CNTN5: variants seen among roughly 807,000 people sequenced by gnomAD.
CNTN5 encodes the protein contactin 5, also known as contactin-5.
In CNTN5, 77 loss-of-function variants were observed where a neutral mutation model predicts 129.1. The ratio of observed to expected loss-of-function variants is 0.60; its 90% CI spans 0.50 to 0.72. The LOEUF is 0.72. CNTN5 is among the 30% of genes least tolerant of loss of function. CNTN5 has a pLI of 0.00. For missense variants in CNTN5, 1,478 were observed against 1,328.8 expected, an observed-to-expected ratio of 1.11 and a Z score of -1.75; for synonymous variants, 509 against 465.6, an observed-to-expected ratio of 1.09 and a Z score of -1.20.
chr11:99,717,364 T>G (rs1235007106), intron 3 of CNTN5, among the ~76,000 whole-genome samples: 3 of 152,058 alleles, frequency 2.0e-5, no homozygotes, highest in Non-Finnish European at 4.4e-5. Flanking sequence ...TAATAAATTT[T>G]CAAAAGAGTT....
intron 6 of CNTN5, among the ~76,000 whole-genome samples, chr11:99,883,150 T>G (rs1042864555): frequency 6.6e-6 from 1 of 152,210 alleles, no homozygotes; most frequent in African/African-American, 2.4e-5. Context: ...TTTCAAATCT[T>G]GGCTATTCCA....
chr11:100,136,170 C>T (rs752977728), intron 13 of CNTN5, among the ~76,000 whole-genome samples: 40 of 152,064 alleles, frequency 2.6e-4, no homozygotes, highest in East Asian at 3.9e-4. Flanking sequence ...TCAAAGCAGA[C>T]GTACAAAAGA....
intron 3 of CNTN5, among the ~76,000 whole-genome samples, chr11:99,583,843 G>A (rs375939083): frequency 1.3e-5 from 2 of 152,052 alleles, no homozygotes; most frequent in African/African-American, 2.4e-5. Context: ...TGCACCTACT[G>A]TCTTGCACTC....
intron 2 of CNTN5, among the ~76,000 whole-genome samples, chr11:99,422,993 G>A (rs765190942): frequency 5.9e-5 from 9 of 152,118 alleles, no homozygotes; most frequent in Admixed American, 2.0e-4. Context: ...TTTCGTTATT[G>A]AATAAGCATG....
intron 1 of CNTN5, among the ~76,000 whole-genome samples, chr11:99,313,658 C>T (rs1865212587): frequency 6.6e-6 from 1 of 151,970 alleles, no homozygotes; most frequent in Non-Finnish European, 1.5e-5. Flanking sequence ...AATATTTTGT[C>T]TCCTTTACAA....
intron 2 of CNTN5, among the ~76,000 whole-genome samples, chr11:99,515,420 T>G (rs991494300): frequency 6.6e-6 from 1 of 152,040 alleles, no homozygotes; most frequent in Non-Finnish European, 1.5e-5. Flanking sequence ...AAATGCATTG[T>G]TGTAGTATTA....
At chr11:99,593,606 T>A (rs1950042034) in intron 3 of CNTN5, among the ~76,000 whole-genome samples, 1 of 152,212 alleles carries the variant, frequency 6.6e-6, no homozygotes, top group South Asian at 2.1e-4. Context: ...TAATTCTATA[T>A]CAAGCAGATA....
chr11:99,469,698 G>C (rs1185413471), intron 2 of CNTN5, among the ~76,000 whole-genome samples: 3 of 151,934 alleles, frequency 2.0e-5, no homozygotes, highest in Non-Finnish European at 2.9e-5. Flanking sequence ...TGTAGTGCTA[G>C]TTTTGTCTGT....
intron 13 of CNTN5, among the ~76,000 whole-genome samples, chr11:100,117,735 T>G (rs1342590147): frequency 1.4e-5 from 2 of 147,404 alleles, no homozygotes; most frequent in Non-Finnish European, 3.0e-5. Flanking sequence ...TGCAGGGCAT[T>G]TTTTTTTTTG....
At chr11:100,067,872 T>C (rs909813040) in intron 10 of CNTN5, among the ~76,000 whole-genome samples, 3 of 152,136 alleles carry the variant, frequency 2.0e-5, no homozygotes, top group Non-Finnish European at 4.4e-5. Flanking sequence ...AATTAATTCA[T>C]ATTTGTATTA....
intron 3 of CNTN5, among the ~76,000 whole-genome samples, chr11:99,777,025 ATTTACT>A (rs142010680): frequency 9.9e-4 from 151 of 151,824 alleles, no homozygotes; most frequent in African/African-American, 3.6e-3. Flanking sequence ...TTTTCATTTG[ATTTACT>A]TTTACAATGT....
chr11:99,996,718 T>C (rs1188133374), intron 8 of CNTN5, among the ~76,000 whole-genome samples: 2 of 152,208 alleles, frequency 1.3e-5, no homozygotes, highest in Admixed American at 1.3e-4. Context: ...CAGTTTCACA[T>C]GGCTGGGAAG....
At chr11:99,864,062 C>T (rs959228246) in intron 6 of CNTN5, among the ~76,000 whole-genome samples, 20 of 152,086 alleles carry the variant, frequency 1.3e-4, no homozygotes, top group Admixed American at 2.0e-4. Context: ...ACTTCGCTCA[C>T]GGATGTATCT....
intron 9 of CNTN5, among the ~76,000 whole-genome samples, chr11:100,044,209 C>G (rs189779160): frequency 2.4e-4 from 36 of 151,782 alleles, no homozygotes; most frequent in Admixed American, 2.0e-3. Context: ...ATAACATTTT[C>G]TTTAATTTCC....
intron 8 of CNTN5, among the ~76,000 whole-genome samples, chr11:99,973,483 C>T (rs1292040273): frequency 4.6e-5 from 7 of 152,140 alleles, no homozygotes; most frequent in Admixed American, 3.9e-4. Context: ...CTATGGTTTT[C>T]AGTTTTCCTT....
chr11:100,240,224 G>A (rs113383912), intron 16 of CNTN5, among the ~76,000 whole-genome samples: 13 of 149,218 alleles, frequency 8.7e-5, no homozygotes, highest in Non-Finnish European at 1.2e-4. Context: ...TCAACACCCC[G>A]CCCCACACCC....
chr11:99,970,930 T>A (rs938583820), intron 8 of CNTN5, among the ~76,000 whole-genome samples: 2 of 152,216 alleles, frequency 1.3e-5, no homozygotes, highest in Admixed American at 6.5e-5. Flanking sequence ...CTTTCTGTTC[T>A]GTCTTCATGA....
intron 1 of CNTN5, among the ~76,000 whole-genome samples, chr11:99,268,286 G>T (rs1396852586): frequency 1.3e-5 from 2 of 151,928 alleles, no homozygotes; most frequent in Non-Finnish European, 2.9e-5. Context: ...ATGAGTTGGA[G>T]AATTTATAAA....
At chr11:99,555,202 T>C (rs1210733151) in intron 2 of CNTN5, among the ~76,000 whole-genome samples, 3 of 152,148 alleles carry the variant, frequency 2.0e-5, no homozygotes, top group East Asian at 3.9e-4. Flanking sequence ...AATATAGAGA[T>C]AACCTAGACT....
Sources: allele counts gnomAD v4.1 joint callset (sites outside exome capture counted in the v4.1 genomes callset), GRCh38; gene constraint gnomAD v4.1.1; transcripts MANE v1.5; gene names NCBI Gene and HGNC (gene_info 2026-07-23, HGNC 2026-07-21).